The following PUM2 variants were observed in gnomAD, a reference collection of about 807,000 sequenced individuals.
PUM2 encodes pumilio homolog 2.
In PUM2, 57 loss-of-function variants were observed where a neutral mutation model predicts 124.5. That is an observed-to-expected ratio of 0.46 (90% CI 0.37 to 0.57). The LOEUF (loss-of-function observed/expected upper bound fraction) is 0.57, where lower values mean the gene tolerates loss of function less well. Among genes scored for constraint, PUM2 ranks in the 20% least tolerant of loss-of-function variants. PUM2 has a pLI of 0.00. For synonymous variants in PUM2, 460 were observed against 446.1 expected, an observed-to-expected ratio of 1.03 and a Z score of -0.39; for missense variants, 1,065 against 1,290.6, an observed-to-expected ratio of 0.83 and a Z score of 2.68.
At chr2:20,253,740 A>G (rs1664056479) in intron 20 of PUM2, 82 bp downstream of exon 20, 1 of 1,251,076 alleles carries the variant, frequency 8.0e-7, no homozygotes, top group Non-Finnish European at 1.1e-6. Flanking sequence ...AACATACGGG[A>G]GGAAATGAAA....
chr2:20,296,103 C>T (rs1328731532), intron 8 of PUM2, among the ~76,000 whole-genome samples: 2 of 152,150 alleles, frequency 1.3e-5, no homozygotes, highest in Non-Finnish European at 2.9e-5. Flanking sequence ...CAAGTCCACA[C>T]CAAAAGCTAA....
In PUM2 at chr2:20,290,731, C is replaced by G. The variant is rs374158739; in HGVS notation, c.1212G>C (p.Gln404His). 3.7e-5 allele frequency: 60 copies of G among 1,613,498 alleles called. No individual in the cohort carries two copies. Among genetic ancestry groups the G allele is most frequent in the Non-Finnish European group, 4.7e-5 (56 of 1,179,900 alleles). ...PLTPNQGQQG[Q>H]QAESLAAAAA... ...CAGCTGCCGCAAGTGATTCTGCTTGCTGCCCTTGCTGACCCTGATTGGGAG... is the reference window on the plus strand; with the variant it reads ...CAGCTGCCGCAAGTGATTCTGCTTGGTGCCCTTGCTGACCCTGATTGGGAG... Residue 404 changes from glutamine (Q) to histidine (H), a missense_variant, in exon 10 of 21, where the codon CAG becomes CAC. Transcript: ENST00000361078.
chr2:20,313,584 A>G (rs1315548762), intron 3 of PUM2, among the ~76,000 whole-genome samples: 2 of 152,168 alleles, frequency 1.3e-5, no homozygotes, highest in Admixed American at 6.5e-5. Context: ...GTGCTATCCC[A>G]GCACTTCAGG....
At chr2:20,313,835 CAAAAAAAAA>C (rs35569645) in intron 3 of PUM2, among the ~76,000 whole-genome samples, 2 of 55,028 alleles carry the variant, frequency 3.6e-5, no homozygotes, top group Non-Finnish European at 7.1e-5. Flanking sequence ...GATCCTGTCT[CAAAAAAAAA>C]AAAAAAAAAA....
Position 20,251,666 on chromosome 2 carries a change from T to C in PUM2, c.3114A>G (p.Ile1038Met). The C allele has an allele frequency of 1.2e-6, 2 of 1,613,598 alleles. No individual in the cohort carries two copies. Among genetic ancestry groups the C allele is most frequent in the Non-Finnish European group, 1.7e-6 (2 of 1,179,552 alleles). ...TLRKYTYGKH[I>M]LAKLEKYYLK... ...AATAATACTTTTCCAACTTGGCCAG[T>C]ATATGCTTCCCGTATGTGTATTTGC... Residue 1038 changes from isoleucine (I) to methionine (M), a missense_variant, in exon 21 of 21, where the codon ATA becomes ATG. Ile to Met is a conservative substitution (Grantham distance 10, BLOSUM62 1). Transcript: ENST00000361078.
In PUM2 at chr2:20,283,192, G is replaced by A. The variant is rs1671952061; in HGVS notation, c.1475C>T (p.Thr492Ile). Residue 492 changes from threonine to isoleucine, a missense_variant, in exon 12 of 21, where the codon ACA becomes ATA. By Grantham distance (89) the Thr-to-Ile change is moderately conservative (BLOSUM62 -1). Coordinates refer to ENST00000361078, the MANE Select transcript of PUM2 (RefSeq NM_015317.5). ...CCGAAACAGACCATTTGTGCTGCCT[G>A]TAAGGCTACTTGCAGTTCCTCCAGC... ...AAAGGTASSL[T>I]GSTNGLFRPI... 3.7e-6 allele frequency: 6 copies of A among 1,614,034 alleles called. No homozygotes were observed. Among genetic ancestry groups the A allele is most frequent in the Non-Finnish European group, 5.1e-6 (6 of 1,179,962 alleles).
intron 1 of PUM2, among the ~76,000 whole-genome samples, chr2:20,344,869 G>A (rs1032084413): frequency 6.7e-6 from 1 of 150,148 alleles, no homozygotes; most frequent in African/African-American, 2.4e-5. Context: ...TGTAGTCCCA[G>A]CTACTCAGGA....
At chr2:20,348,106 T>C (rs1688593415) in intron 1 of PUM2, among the ~76,000 whole-genome samples, 3 of 152,002 alleles carry the variant, frequency 2.0e-5, no homozygotes, top group Non-Finnish European at 2.9e-5. Context: ...GAGAACTGCT[T>C]GAGCCCAGGA....
chr2:20,270,393 A>G (rs188287153), intron 13 of PUM2, among the ~76,000 whole-genome samples: 25 of 152,340 alleles, frequency 1.6e-4, no homozygotes, highest in African/African-American at 5.8e-4. Flanking sequence ...ATGATTACTA[A>G]GGATTTATGC....
chr2:20,348,007 A>C (rs1688572513), intron 1 of PUM2, among the ~76,000 whole-genome samples: 1 of 152,160 alleles, frequency 6.6e-6, no homozygotes, highest in Admixed American at 6.6e-5. Context: ...CGAACAAGTC[A>C]GACTATTTTA....
chr2:20,326,236 C>T, intron 2 of PUM2: 1 of 1,295,476 alleles, frequency 7.7e-7, no homozygotes, highest in South Asian at 1.2e-5. Flanking sequence ...TTTGGCAATA[C>T]TTAAGCTTAA....
chr2:20,298,755 C>T (rs932190273), intron 7 of PUM2, among the ~76,000 whole-genome samples: 8 of 152,096 alleles, frequency 5.3e-5, no homozygotes, highest in African/African-American at 1.9e-4. Context: ...CTGGTAATCC[C>T]AGCTACTCAG....
chr2:20,297,298 T>C (rs1675851072), intron 8 of PUM2, among the ~76,000 whole-genome samples: 2 of 152,214 alleles, frequency 1.3e-5, no homozygotes, highest in Non-Finnish European at 2.9e-5. Flanking sequence ...TGGTTGACTA[T>C]ATAGATTTCT....
chr2:20,260,316 C>CA, intron 15 of PUM2, 21 bp downstream of exon 15: 1 of 1,590,696 alleles, frequency 6.3e-7, no homozygotes, highest in Non-Finnish European at 8.6e-7. Context: ...GGCGGATATA[C>CA]AAATATGCAT....
intron 7 of PUM2, among the ~76,000 whole-genome samples, chr2:20,304,340 A>G (rs1440624477): frequency 6.6e-6 from 1 of 152,046 alleles, no homozygotes; most frequent in Non-Finnish European, 1.5e-5. Context: ...TTTTCATTCT[A>G]TCCTATCTAT....
intron 7 of PUM2, among the ~76,000 whole-genome samples, chr2:20,300,906 T>A (rs1051225550): frequency 2.0e-5 from 3 of 152,004 alleles, no homozygotes; most frequent in South Asian, 4.2e-4. Context: ...GAAAAAAGCG[T>A]ATCTGATTTC....
intron 1 of PUM2, among the ~76,000 whole-genome samples, chr2:20,330,469 C>G (rs1299387566): frequency 6.6e-6 from 1 of 152,070 alleles, no homozygotes; most frequent in African/African-American, 2.4e-5. Context: ...CTTAGTTGAT[C>G]ACGAAGATTT....
chr2:20,308,680 A>G, intron 5 of PUM2, 96 bp from the exon 6 acceptor site: 1 of 1,240,370 alleles, frequency 8.1e-7, no homozygotes, highest in East Asian at 2.5e-5. Context: ...AATGGTCATA[A>G]AACACAATGA....
chr2:20,304,043 G>C (rs1242101056), intron 7 of PUM2, among the ~76,000 whole-genome samples: 3 of 152,112 alleles, frequency 2.0e-5, no homozygotes. Flanking sequence ...AGTTTCTCTT[G>C]CACTCACTTG....
Sources: allele counts gnomAD v4.1 joint callset (sites outside exome capture counted in the v4.1 genomes callset), GRCh38; gene constraint gnomAD v4.1.1; transcripts MANE v1.5; gene names NCBI Gene and HGNC (gene_info 2026-07-23, HGNC 2026-07-21).